The following SLC35A3 variants were observed in gnomAD, a reference collection of about 807,000 sequenced individuals.
SLC35A3 encodes UDP-N-acetylglucosamine transporter.
A neutral mutation model predicts 39.0 loss-of-function variants in SLC35A3; 26 were observed. The ratio of observed to expected loss-of-function variants is 0.67; its 90% CI spans 0.49 to 0.92. The LOEUF (loss-of-function observed/expected upper bound fraction) is 0.92. Ranked by LOEUF, SLC35A3 falls within the 40% of genes least tolerant of loss-of-function variation. The pLI is 0.00. For missense variants in SLC35A3, 299 were observed against 371.6 expected, an observed-to-expected ratio of 0.80 and a Z score of 1.61; for synonymous variants, 135 against 133.1, an observed-to-expected ratio of 1.01 and a Z score of -0.10.
rs189841300 is a variant in SLC35A3, at chr1:100,028,985, G to C, written c.*6509G>C. The stretch of plus-strand genomic sequence containing the variant: ...CGGTGTCCTTTTCTTGTAGCGTCAT[G>C]GAAGGTGTTATCTACTCCTGACCAC... On this transcript the variant is annotated 3_prime_UTR_variant, in exon 8 of 8. Coordinates refer to ENST00000533028, the MANE Select transcript of SLC35A3 (RefSeq NM_012243.3). The C allele has an allele frequency of 6.6e-6, 1 of 152,370 alleles. No homozygotes were observed. Among genetic ancestry groups the C allele is most frequent in the Admixed American group, 6.5e-5 (1 of 15,292 alleles). 9.4% of individuals were successfully genotyped at this position (152,370 alleles called of 1,614,324 possible).
chr1:99,983,900 G>A (rs1657603751), intron 1 of SLC35A3, among the ~76,000 whole-genome samples: 11 of 152,118 alleles, frequency 7.2e-5, no homozygotes, highest in Admixed American at 7.2e-4. Context: ...GGGATTACAG[G>A]CATGAGCCAC....
At chr1:99,987,020 A>G (rs972001923) in intron 1 of SLC35A3, among the ~76,000 whole-genome samples, 1 of 152,238 alleles carries the variant, frequency 6.6e-6, no homozygotes, top group Non-Finnish European at 1.5e-5. Context: ...GGAGAATTAG[A>G]TGCCTCTGCC....
chr1:99,987,232 AT>A (rs1201842267), intron 1 of SLC35A3, among the ~76,000 whole-genome samples: 1 of 152,230 alleles, frequency 6.6e-6, no homozygotes, highest in African/African-American at 2.4e-5. Flanking sequence ...AAGTGAAGAA[AT>A]TATATTAGAT....
At chr1:100,011,320 A>G in intron 4 of SLC35A3, 45 bp from the exon 5 acceptor site, 1 of 1,059,092 alleles carries the variant, frequency 9.4e-7, no homozygotes, top group Non-Finnish European at 1.3e-6. Context: ...TTTATGTAAA[A>G]TGTTATGGAA....
chr1:100,015,207 A>G, intron 5 of SLC35A3, 95 bp from the exon 6 acceptor site: 1 of 1,194,190 alleles, frequency 8.4e-7, no homozygotes, highest in South Asian at 2.2e-5. Context: ...CAAAAAGAAA[A>G]AGTTAAGTGT....
At chr1:100,015,265 C>A in intron 5 of SLC35A3, 37 bp from the exon 6 acceptor site, 4 of 1,490,856 alleles carry the variant, frequency 2.7e-6, no homozygotes, top group East Asian at 2.5e-5. Context: ...TTCAGACAAA[C>A]TAAACGATAT....
intron 1 of SLC35A3, among the ~76,000 whole-genome samples, chr1:99,989,683 T>C (rs575924348): frequency 6.6e-6 from 1 of 152,358 alleles, no homozygotes; most frequent in Non-Finnish European, 1.5e-5. Context: ...GTCAGATACA[T>C]GTATTGAGAA....
chr1:100,000,264 A>G (rs1339742546), intron 3 of SLC35A3, among the ~76,000 whole-genome samples: 1 of 152,086 alleles, frequency 6.6e-6, no homozygotes, highest in Non-Finnish European at 1.5e-5. Context: ...CTTTTTGATA[A>G]TAGCTATTCT....
intron 3 of SLC35A3, chr1:100,000,522 G>A (rs182657065): frequency 6.6e-6 from 1 of 152,026 alleles, no homozygotes; most frequent in African/African-American, 2.4e-5. Context: ...TACAGATTGT[G>A]TCTGTATTTT....
chr1:99,999,848 G>A (rs547685675), intron 3 of SLC35A3, among the ~76,000 whole-genome samples: 2 of 151,096 alleles, frequency 1.3e-5, no homozygotes, highest in Admixed American at 6.6e-5. Flanking sequence ...GTGAAAATAC[G>A]ATATTTGTCT....
chr1:99,972,859 G>A (rs1366415648), intron 1 of SLC35A3, among the ~76,000 whole-genome samples: 2 of 152,084 alleles, frequency 1.3e-5, no homozygotes, highest in Admixed American at 6.5e-5. Context: ...GTAATAAATC[G>A]TTGGTGTAGG....
intron 1 of SLC35A3, among the ~76,000 whole-genome samples, chr1:99,972,230 T>C (rs1557815763): frequency 6.6e-6 from 1 of 152,012 alleles, no homozygotes. Flanking sequence ...GTGCTGGGCT[T>C]TATAAATCTT....
intron 1 of SLC35A3, among the ~76,000 whole-genome samples, chr1:99,988,187 C>T (rs1227571185): frequency 6.6e-6 from 1 of 152,156 alleles, no homozygotes; most frequent in Non-Finnish European, 1.5e-5. Context: ...ACCCTCAACC[C>T]CAGCCCCTAT....
At chr1:100,003,930 A>G (rs1458289438) in intron 3 of SLC35A3, among the ~76,000 whole-genome samples, 1 of 152,148 alleles carries the variant, frequency 6.6e-6, no homozygotes, top group Admixed American at 6.5e-5. Flanking sequence ...ACATAAGTAT[A>G]GCTATTTCTG....
chr1:100,024,430 A>T lies in SLC35A3; in HGVS notation c.*1954A>T, dbSNP rs1369952546. The T allele has an allele frequency of 6.6e-6, 1 of 151,572 alleles. No homozygotes were observed. The highest frequency in any genetic ancestry group is 2.0e-4 in the East Asian group (1 of 4,952). The allele number at this position is 151,572 out of a possible 1,614,324, so 9.4% of individuals were successfully genotyped here. ...GCTGGGCATGGTGGTGCGCGCCTGT[A>T]GTCCCAGCTACTCAGGAGGCTGAGG... On this transcript the variant is annotated 3_prime_UTR_variant, in exon 8 of 8. Coordinates refer to ENST00000533028, the MANE Select transcript of SLC35A3 (RefSeq NM_012243.3).
In SLC35A3 at chr1:100,035,559, A is replaced by G. The variant is rs972543140; in HGVS notation, c.*13083A>G. On this transcript the variant is annotated 3_prime_UTR_variant, in exon 8 of 8. Coordinates refer to ENST00000533028, the MANE Select transcript of SLC35A3 (RefSeq NM_012243.3). ...TTGTTTTGTAACTGTGTCCCCCACT[A>G]GAATGTAAGCTCTGTGCAGATAGTG... 3.9e-5 allele frequency: 6 copies of G among 152,250 alleles called. No homozygotes were observed. The highest frequency in any genetic ancestry group is 8.8e-5 in the Non-Finnish European group (6 of 68,042). The allele number at this position is 152,250 out of a possible 1,614,324, so 9.4% of individuals were successfully genotyped here. A position where few individuals can be genotyped will look rare whatever the true frequency, so the allele number is the denominator to read the frequency against.
chr1:100,015,978 T>A (rs1281938918), intron 6 of SLC35A3, among the ~76,000 whole-genome samples: 1 of 152,114 alleles, frequency 6.6e-6, no homozygotes, highest in East Asian at 1.9e-4. Flanking sequence ...TCTAGAGATA[T>A]TTGAAGCCTA....
chr1:99,976,999 A>T (rs1236443178), intron 1 of SLC35A3, among the ~76,000 whole-genome samples: 3 of 152,194 alleles, frequency 2.0e-5, no homozygotes, highest in Non-Finnish European at 4.4e-5. Flanking sequence ...AATGTTTGAC[A>T]GTTTGTCAGA....
chr1:99,991,895 C>T (rs904230841), intron 1 of SLC35A3, among the ~76,000 whole-genome samples: 17 of 152,074 alleles, frequency 1.1e-4, no homozygotes, highest in African/African-American at 3.9e-4. Context: ...ACTACAGGTG[C>T]GTGCCACCAC....
Sources: gnomAD v4.1 joint callset for allele counts (sites outside exome capture counted in the v4.1 genomes callset) on GRCh38, gnomAD v4.1.1 for gene constraint, MANE v1.5 for transcripts, NCBI Gene and HGNC (gene_info 2026-07-23, HGNC 2026-07-21) for gene names.